The following DAB1 variants were observed in gnomAD, a reference collection of about 807,000 sequenced individuals.
The protein encoded by DAB1 is disabled homolog 1.
In DAB1, 15 loss-of-function variants were observed where a neutral mutation model predicts 64.6. The observed-to-expected ratio is 0.23, with a 90% CI of 0.16 to 0.36. DAB1 has a LOEUF of 0.36. Among genes scored for constraint, DAB1 ranks in the 10% least tolerant of loss-of-function variants. DAB1 has a pLI of 1.00. For missense variants in DAB1, 596 were observed against 706.7 expected (o/e 0.84, Z 1.78); for synonymous variants, 235 against 251.9 (o/e 0.93, Z 0.64).
chr1:57,572,186 C>T (rs1219234325), intron 7 of DAB1, among the ~76,000 whole-genome samples: 2 of 152,238 alleles, frequency 1.3e-5, no homozygotes, highest in Non-Finnish European at 2.9e-5. Context: ...AAGGTTAGGC[C>T]AAAACCACAT....
chr1:58,346,193 C>T (rs1041613470), intron 3 of DAB1, among the ~76,000 whole-genome samples: 2 of 152,208 alleles, frequency 1.3e-5, no homozygotes, highest in Non-Finnish European at 2.9e-5. Context: ...GATGAATGGG[C>T]AGGCGGCCTG....
chr1:57,492,015 G>A lies in DAB1; in HGVS notation n.625+157577C>T, dbSNP rs368946661. On this transcript the variant is annotated intron_variant and non_coding_transcript_variant, in intron 7 of 20. Coordinates refer to the DAB1 transcript ENST00000485760. ...TCGGCTCCTGGAGCAGAGAATGAGTGTTGAAAAAGAAATAAGAGAAGAAGA... is the reference window on the plus strand; with the variant it reads ...TCGGCTCCTGGAGCAGAGAATGAGTATTGAAAAAGAAATAAGAGAAGAAGA... Among the ~76,000 whole-genome samples, 8 of 152,324 alleles carry A rather than the reference G, an allele frequency of 5.3e-5. No individual in the cohort carries two copies. The East Asian group carries it at 1.3e-3, about 26-fold the overall frequency.
rs150312845 is a variant in DAB1 at position 57,318,056 on chromosome 1, T to C, written c.-136-26890A>G. 7.7e-3 allele frequency among the ~76,000 whole-genome samples: 1,158 copies of C among 151,326 alleles called. 16 individuals are homozygous for C. Among genetic ancestry groups the C allele is most frequent in the African/African-American group, 0.025 (1,045 of 41,152 alleles). On this transcript the variant is annotated intron_variant, in intron 1 of 14. Transcript: ENST00000371236. ...GGTTTCTGTCTCCTGTAGTCCGGAG[T>C]ATTTCCAAATGGCAAGGTCAGAGCC...
At chr1:57,740,194 G>A (rs1488989241) in intron 6 of DAB1, among the ~76,000 whole-genome samples, 5 of 152,102 alleles carry the variant, frequency 3.3e-5, no homozygotes, top group Non-Finnish European at 7.4e-5. Context: ...AGCCTGGGTG[G>A]CAGAGCAAGA....
intron 6 of DAB1, among the ~76,000 whole-genome samples, chr1:57,770,097 T>A (rs1259388053): frequency 6.6e-6 from 1 of 152,130 alleles, no homozygotes; most frequent in Non-Finnish European, 1.5e-5. Flanking sequence ...ATGAAAAGTA[T>A]ACTGAATTGA....
At chr1:58,532,174 C>T (rs972937919) in intron 1 of DAB1, among the ~76,000 whole-genome samples, 3 of 152,044 alleles carry the variant, frequency 2.0e-5, no homozygotes, top group African/African-American at 7.2e-5. Flanking sequence ...AACATAAACG[C>T]CTAGATAAAA....
intron 5 of DAB1, among the ~76,000 whole-genome samples, chr1:57,944,348 A>G (rs1055415555): frequency 2.0e-5 from 3 of 152,024 alleles, no homozygotes; most frequent in African/African-American, 7.2e-5. Context: ...TTAGCTCCTC[A>G]AGCAAGTCTT....
chr1:57,376,399 T>C (rs1012335549), intron 1 of DAB1, among the ~76,000 whole-genome samples: 3 of 152,196 alleles, frequency 2.0e-5, no homozygotes, highest in African/African-American at 7.2e-5. Context: ...ACAATCCTCA[T>C]GTAAGTAAAA....
At chr1:57,829,420 T>C (rs2101902745) in intron 1 of DAB1, among the ~76,000 whole-genome samples, 1 of 152,336 alleles carries the variant, frequency 6.6e-6, no homozygotes, top group African/African-American at 2.4e-5. Flanking sequence ...TTCAGTTTTC[T>C]CATCTGCATA....
chr1:58,544,631 G>A (rs1480615132), intron 1 of DAB1, among the ~76,000 whole-genome samples: 3 of 152,070 alleles, frequency 2.0e-5, no homozygotes, highest in Non-Finnish European at 4.4e-5. Flanking sequence ...TCACTTTGTC[G>A]TTGTCCAGGC....
At chr1:57,551,388 C>T (rs765671889) in intron 7 of DAB1, among the ~76,000 whole-genome samples, 2 of 152,140 alleles carry the variant, frequency 1.3e-5, no homozygotes, top group Non-Finnish European at 2.9e-5. Flanking sequence ...GGTTCTGTGG[C>T]ACAGGGCAGG....
chr1:57,853,678 G>A (rs1268794170), intron 1 of DAB1, among the ~76,000 whole-genome samples: 5 of 152,114 alleles, frequency 3.3e-5, no homozygotes, highest in African/African-American at 1.2e-4. Flanking sequence ...GTTCCAAATT[G>A]TCCAGAACTA....
At chr1:57,379,361 G>A (rs1275582548) in intron 1 of DAB1, among the ~76,000 whole-genome samples, 5 of 152,186 alleles carry the variant, frequency 3.3e-5, no homozygotes, top group Admixed American at 6.5e-5. Flanking sequence ...GAACTGTGAA[G>A]CCATAAGTAT....
intron 6 of DAB1, among the ~76,000 whole-genome samples, chr1:57,812,729 A>G (rs1406304812): frequency 6.6e-6 from 1 of 152,234 alleles, no homozygotes; most frequent in African/African-American, 2.4e-5. Flanking sequence ...GGCTCATTTA[A>G]TATTTTCTAA....
intron 1 of DAB1, among the ~76,000 whole-genome samples, chr1:57,377,394 T>C (rs1680993472): frequency 6.6e-6 from 1 of 152,076 alleles, no homozygotes; most frequent in Non-Finnish European, 1.5e-5. Flanking sequence ...CTGTTAAAAA[T>C]GAAGATACCT....
At chr1:58,019,223 T>C (rs1351330055) in intron 5 of DAB1, among the ~76,000 whole-genome samples, 1 of 152,194 alleles carries the variant, frequency 6.6e-6, no homozygotes, top group Non-Finnish European at 1.5e-5. Flanking sequence ...CAATTCATAT[T>C]TTATTTATTT....
At chr1:57,211,088 C>A (rs1665965608) in intron 2 of DAB1, among the ~76,000 whole-genome samples, 1 of 152,228 alleles carries the variant, frequency 6.6e-6, no homozygotes, top group Admixed American at 6.5e-5. Flanking sequence ...CAGCATCAGG[C>A]TGAGACTGTC....
intron 4 of DAB1, among the ~76,000 whole-genome samples, chr1:57,120,526 T>C (rs140498162): frequency 2.0e-5 from 3 of 152,304 alleles, no homozygotes; most frequent in African/African-American, 7.2e-5. Context: ...TACATTCACA[T>C]TGTTGTGCAA....
intron 3 of DAB1, among the ~76,000 whole-genome samples, chr1:58,403,354 A>C (rs1285648669): frequency 6.6e-6 from 1 of 152,030 alleles, no homozygotes; most frequent in Non-Finnish European, 1.5e-5. Flanking sequence ...GATAATTAAG[A>C]CAATAAAAAA....
Sources: gnomAD v4.1 joint callset for allele counts (sites outside exome capture counted in the v4.1 genomes callset) on GRCh38, gnomAD v4.1.1 for gene constraint, MANE v1.5 for transcripts, NCBI Gene and HGNC (gene_info 2026-07-23, HGNC 2026-07-21) for gene names.